BNIP3L: variants seen among roughly 807,000 people sequenced by gnomAD.
BNIP3L encodes the protein BCL2 interacting protein 3 like, also known as BCL2/adenovirus E1B 19 kDa protein-interacting protein 3-like.
A neutral mutation model predicts 25.5 loss-of-function variants in BNIP3L; 10 were observed. The ratio of observed to expected loss-of-function variants is 0.39; its 90% CI spans 0.24 to 0.67. The LOEUF is 0.67. Ranked by LOEUF, BNIP3L falls within the 30% of genes least tolerant of loss-of-function variation. BNIP3L has a pLI of 0.45. For synonymous variants in BNIP3L, 113 were observed against 101.2 expected, an observed-to-expected ratio of 1.12 and a Z score of -0.70; for missense variants, 215 against 270.9, an observed-to-expected ratio of 0.79 and a Z score of 1.45.
intron 1 of BNIP3L, among the ~76,000 whole-genome samples, chr8:26,387,031 A>G (rs970550701): frequency 6.6e-6 from 1 of 152,216 alleles, no homozygotes; most frequent in Non-Finnish European, 1.5e-5. Flanking sequence ...TGAAATTTCA[A>G]AAGAGTTACA....
chr8:26,392,664 T>C (rs902757029), intron 2 of BNIP3L, among the ~76,000 whole-genome samples: 2 of 152,152 alleles, frequency 1.3e-5, no homozygotes, highest in Non-Finnish European at 2.9e-5. Flanking sequence ...ATGGCTCTCT[T>C]CTGAACAGCT....
At chr8:26,387,799 AATT>A (rs1806024091) in intron 1 of BNIP3L, among the ~76,000 whole-genome samples, 1 of 152,236 alleles carries the variant, frequency 6.6e-6, no homozygotes, top group Non-Finnish European at 1.5e-5. Context: ...CCTATTGTCA[AATT>A]ATTCTCCAGA....
At chr8:26,402,273 A>G (rs1231694803) in intron 3 of BNIP3L, among the ~76,000 whole-genome samples, 3 of 152,236 alleles carry the variant, frequency 2.0e-5, no homozygotes, top group African/African-American at 7.2e-5. Flanking sequence ...GCTGTCGTAT[A>G]TAAGATGATC....
intron 3 of BNIP3L, among the ~76,000 whole-genome samples, chr8:26,405,331 G>A (rs928778806): frequency 6.6e-6 from 1 of 152,210 alleles, no homozygotes; most frequent in Non-Finnish European, 1.5e-5. Context: ...AATTGTAACA[G>A]TTTATTGTTT....
At chr8:26,388,337 A>T (rs971558671) in intron 1 of BNIP3L, among the ~76,000 whole-genome samples, 2 of 152,214 alleles carry the variant, frequency 1.3e-5, no homozygotes, top group African/African-American at 4.8e-5. Flanking sequence ...TTCGAGGTAG[A>T]TACAGTTATT....
Position 26,383,210 on chromosome 8 carries a change from C to G in BNIP3L, c.80C>G (p.Pro27Arg), listed in dbSNP as rs199724930. Residue 27 changes from proline to arginine, a missense_variant, in exon 1 of 6, where the codon CCC becomes CGC. Transcript: ENST00000380629. ...NNCEENEQSL[P>R]PPAGLNSSWV... ...TGCGAGGAAAATGAGCAGTCTCTGC[C>G]CCCGCCGGCCGGCCTCAACAGTGAG... 1.1e-5 allele frequency: 18 copies of G among 1,611,070 alleles called. No individual in the cohort carries two copies. The highest frequency in any genetic ancestry group is 1.5e-5 in the Non-Finnish European group (18 of 1,179,336).
intron 3 of BNIP3L, chr8:26,395,863 G>T (rs1291703079): frequency 4.6e-4 from 71 of 154,994 alleles, no homozygotes; most frequent in Non-Finnish European, 8.2e-4. Flanking sequence ...AAGGGGTGAC[G>T]GACGCACCTG....
chr8:26,397,537 A>G (rs1806272871), intron 3 of BNIP3L, among the ~76,000 whole-genome samples: 6 of 115,216 alleles, frequency 5.2e-5, no homozygotes, highest in African/African-American at 6.6e-5. Flanking sequence ...TGTAAAGACC[A>G]TCGAGACTAG....
rs568605851 is a variant in BNIP3L at position 26,407,792 on chromosome 8, A to G, written c.358-208A>G. Among the ~76,000 whole-genome samples the G allele has an allele frequency of 3.9e-5, 6 of 152,334 alleles. No homozygotes were observed. In the South Asian group the frequency reaches 1.0e-3, roughly 26 times the overall value. On this transcript the variant is annotated intron_variant, in intron 3 of 5. Coordinates refer to ENST00000380629, the MANE Select transcript of BNIP3L (RefSeq NM_004331.3). The stretch of plus-strand genomic sequence containing the variant: ...CTGTGCTGTGCTTAGATATCCCAAC[A>G]GTGAAGCTCACTCAGGTTGTTCTGA...
Position 26,383,216 on chromosome 8 carries a change from C to A in BNIP3L, c.86C>A (p.Pro29Gln). ...CEENEQSLPP[P>Q]AGLNSSWVEL... ...GAAAATGAGCAGTCTCTGCCCCCGC[C>A]GGCCGGCCTCAACAGTGAGTGCGGG... is the stretch of plus-strand genomic sequence containing the variant. Residue 29 changes from proline (P) to glutamine (Q), a missense_variant, in exon 1 of 6, where the codon CCG becomes CAG. Physicochemically the swap from Pro to Gln is moderately conservative, Grantham distance 76. Transcript: ENST00000380629. The A allele has an allele frequency of 1.2e-6, 2 of 1,610,642 alleles. No individual in the cohort carries two copies. The highest frequency in any genetic ancestry group is 1.7e-6 in the Non-Finnish European group (2 of 1,179,078).
chr8:26,396,683 G>C (rs1450433948), intron 3 of BNIP3L, among the ~76,000 whole-genome samples: 1 of 151,466 alleles, frequency 6.6e-6, no homozygotes, highest in Non-Finnish European at 1.5e-5. Flanking sequence ...AGTGAGCTAC[G>C]GGAGGACATT....
At chr8:26,404,595 A>C (rs984618985) in intron 3 of BNIP3L, among the ~76,000 whole-genome samples, 1 of 152,132 alleles carries the variant, frequency 6.6e-6, no homozygotes, top group Non-Finnish European at 1.5e-5. Flanking sequence ...GCTCACTGCA[A>C]CCTCTGTTTC....
chr8:26,409,024 A>G (rs977944904), intron 5 of BNIP3L, among the ~76,000 whole-genome samples: 6 of 152,076 alleles, frequency 3.9e-5, no homozygotes, highest in Admixed American at 3.3e-4. Flanking sequence ...TTTAGCATGT[A>G]CATTTTGTGG....
At chr8:26,408,493 A>G in intron 5 of BNIP3L, 117 bp downstream of exon 5, 1 of 1,247,828 alleles carries the variant, frequency 8.0e-7, no homozygotes, top group South Asian at 1.5e-5. Context: ...TTTAGTGCAA[A>G]TAAGGTGAAC....
At chr8:26,408,139 T>C (rs747260723) in intron 4 of BNIP3L, 36 bp downstream of exon 4, 5 of 1,612,278 alleles carry the variant, frequency 3.1e-6, no homozygotes, top group African/African-American at 2.7e-5. Context: ...GTGGACACAG[T>C]TGATCTGCGC....
intron 3 of BNIP3L, among the ~76,000 whole-genome samples, chr8:26,401,702 G>A (rs974371483): frequency 6.6e-6 from 1 of 151,280 alleles, no homozygotes; most frequent in African/African-American, 2.4e-5. Flanking sequence ...TCAAAGCAGT[G>A]GCTTTTGAGA....
intron 3 of BNIP3L, among the ~76,000 whole-genome samples, chr8:26,401,990 G>A (rs1486913745): frequency 4.6e-5 from 7 of 152,068 alleles, no homozygotes; most frequent in African/African-American, 1.4e-4. Flanking sequence ...CTGTATTTAG[G>A]GTGCTTGAAA....
intron 1 of BNIP3L, 197 bp downstream of exon 1, chr8:26,383,427 C>G: frequency 1.4e-6 from 2 of 1,402,040 alleles, no homozygotes; most frequent in Non-Finnish European, 1.9e-6. Flanking sequence ...CTGTTGCCTC[C>G]TGGGGTCTTG....
intron 1 of BNIP3L, among the ~76,000 whole-genome samples, chr8:26,387,837 A>G (rs1650571159): frequency 6.6e-6 from 1 of 152,224 alleles, no homozygotes; most frequent in African/African-American, 2.4e-5. Flanking sequence ...CCTAATTGTA[A>G]TAACAAAGTA....
Sources: gnomAD v4.1 joint callset for allele counts (sites outside exome capture counted in the v4.1 genomes callset) on GRCh38, gnomAD v4.1.1 for gene constraint, MANE v1.5 for transcripts, NCBI Gene and HGNC (gene_info 2026-07-23, HGNC 2026-07-21) for gene names.